The following ZNF141 variants were observed in gnomAD, a reference collection of about 807,000 sequenced individuals.
The protein encoded by ZNF141 is zinc finger protein 141 (clone pHZ-44).
ZNF141 carries 7 observed loss-of-function variants against 11.3 expected under a neutral mutation model. The ratio of observed to expected loss-of-function variants is 0.62; its 90% CI spans 0.35 to 1.16. The LOEUF (loss-of-function observed/expected upper bound fraction) is 1.16, where lower values mean the gene tolerates loss of function less well. Ranked by LOEUF, ZNF141 falls within the 50% of genes most tolerant of loss-of-function variation. The probability of loss-of-function intolerance (pLI) is 0.02; values close to 1 mark genes in which losing one functional copy is unlikely to be tolerated. For synonymous variants in ZNF141, 183 were observed against 190.7 expected, an observed-to-expected ratio of 0.96 and a Z score of 0.33; for missense variants, 535 against 554.0, an observed-to-expected ratio of 0.97 and a Z score of 0.34.
chr4:374,005 A>C lies in ZNF141; in HGVS notation c.*143A>C, dbSNP rs1004470537. On this transcript the variant is annotated 3_prime_UTR_variant, in exon 4 of 4. Transcript: ENST00000240499. ...TTCTTTACCTCATTCTCAAACCTTG[A>C]TAAACATAAGAGAATTCATACCGGA... 5.3e-6 allele frequency: 4 copies of C among 755,876 alleles called. No homozygotes were observed. Among genetic ancestry groups the C allele is most frequent in the Non-Finnish European group, 8.9e-6 (4 of 450,196 alleles). 46.8% of individuals were successfully genotyped at this position (755,876 alleles called of 1,614,324 possible). A position where few individuals can be genotyped will look rare whatever the true frequency, so the allele number is the denominator to read the frequency against.
At chr4:339,310 C>T (rs1720940163) in intron 1 of ZNF141, among the ~76,000 whole-genome samples, 1 of 152,234 alleles carries the variant, frequency 6.6e-6, no homozygotes, top group South Asian at 2.1e-4. Context: ...TTTATGGGCT[C>T]AGGAATCAGT....
rs1553849364 is a variant in ZNF141, at chr4:345,338, G to C, written c.226+908G>C. 2.6e-5 allele frequency among the ~76,000 whole-genome samples: 4 copies of C among 152,056 alleles called. No homozygotes were observed. In the South Asian group the frequency reaches 8.3e-4, roughly 32 times the overall value. On this transcript the variant is annotated intron_variant, in intron 3 of 3. Coordinates refer to ENST00000240499, the MANE Select transcript of ZNF141 (RefSeq NM_003441.4). Reference sequence around the variant, plus strand: ...ATTTTACTTCAAAATTACTGTTTTAGTATAAACTCGTTTGTAATGTAAACT... The same window carrying C: ...ATTTTACTTCAAAATTACTGTTTTACTATAAACTCGTTTGTAATGTAAACT...
intron 3 of ZNF141, among the ~76,000 whole-genome samples, chr4:345,532 T>C (rs1391803208): frequency 6.6e-6 from 1 of 152,014 alleles, no homozygotes; most frequent in Admixed American, 6.6e-5. Flanking sequence ...AGTACAAGAC[T>C]AGCCTGACTA....
intron 3 of ZNF141, among the ~76,000 whole-genome samples, chr4:353,919 C>T (rs1439805628): frequency 6.6e-6 from 1 of 152,232 alleles, no homozygotes; most frequent in Non-Finnish European, 1.5e-5. Flanking sequence ...CATTCACACA[C>T]ATGCACGCTA....
intron 3 of ZNF141, among the ~76,000 whole-genome samples, chr4:363,650 C>G (rs1471912423): frequency 6.6e-6 from 1 of 151,010 alleles, no homozygotes; most frequent in Non-Finnish European, 1.5e-5. Flanking sequence ...CCCAGCTACG[C>G]GGGAGGCTGA....
At chr4:347,039 CT>C (rs201885088) in intron 3 of ZNF141, among the ~76,000 whole-genome samples, 244 of 134,772 alleles carry the variant, frequency 1.8e-3, no homozygotes, top group Admixed American at 3.0e-3. Context: ...TAGTTTTATT[CT>C]TTTTTTTTTT....
chr4:342,164 C>T (rs1299420139), intron 1 of ZNF141, among the ~76,000 whole-genome samples: 1 of 152,202 alleles, frequency 6.6e-6, no homozygotes, highest in African/African-American at 2.4e-5. Context: ...GTCTACCTCC[C>T]AGGATGTTAT....
chr4:367,763 C>T (rs534515899), intron 3 of ZNF141, among the ~76,000 whole-genome samples: 4 of 152,190 alleles, frequency 2.6e-5, no homozygotes, highest in Admixed American at 6.5e-5. Flanking sequence ...GATCTGTCCG[C>T]CACGGCCTCC....
At chr4:355,252 C>A (rs1052545469) in intron 3 of ZNF141, among the ~76,000 whole-genome samples, 2 of 151,794 alleles carry the variant, frequency 1.3e-5, no homozygotes, top group Non-Finnish European at 2.9e-5. Flanking sequence ...TGCAGTGGTG[C>A]AATCTTGGTT....
At chr4:361,730 G>A (rs1711509546) in intron 3 of ZNF141, among the ~76,000 whole-genome samples, 1 of 152,156 alleles carries the variant, frequency 6.6e-6, no homozygotes. Context: ...TGGCTGCATA[G>A]TATTCCATGG....
rs113693089 is a variant in ZNF141 at position 367,677 on chromosome 4, C to T, written c.227-4987C>T. Among the ~76,000 whole-genome samples the T allele has an allele frequency of 5.5e-3, 839 of 152,066 alleles. 3 individuals carry two copies. Among genetic ancestry groups the T allele is most frequent in the Non-Finnish European group, 0.01 (691 of 67,974 alleles). On this transcript the variant is annotated intron_variant, in intron 3 of 3. Transcript: ENST00000240499. The stretch of plus-strand genomic sequence containing the variant: ...GATTACAGGTGCGCACCACCATGCC[C>T]AACTAATTTTTGTATTTTTTGTAGA...
chr4:371,665 G>A (rs980086446), intron 3 of ZNF141, among the ~76,000 whole-genome samples: 2 of 151,782 alleles, frequency 1.3e-5, no homozygotes, highest in Admixed American at 6.6e-5. Flanking sequence ...TCAGCCTCCC[G>A]CATAGCTAGG....
intron 1 of ZNF141, among the ~76,000 whole-genome samples, chr4:339,388 C>T (rs1242491732): frequency 2.0e-5 from 3 of 152,212 alleles, no homozygotes; most frequent in Non-Finnish European, 4.4e-5. Flanking sequence ...CCTGCCTTGC[C>T]CCCACTCAAG....
In ZNF141 at chr4:373,187, T is replaced by C. The variant is rs782341133; in HGVS notation, c.750T>C (p.Thr250=). ...SHFAKHKIIH[T]GEKPYKCEEC... ...TTGCTAAGCATAAAATAATTCATAC[T>C]GGAGAAAAACCCTATAAATGTGAAG... The change falls in exon 4 of 4, where the codon ACT becomes ACC. Residue 250 remains threonine (T), a synonymous_variant. Coordinates refer to ENST00000240499, the MANE Select transcript of ZNF141 (RefSeq NM_003441.4). The C allele has an allele frequency of 2.0e-5, 32 of 1,613,904 alleles. No homozygotes were observed. Among genetic ancestry groups the C allele is most frequent in the Non-Finnish European group, 2.5e-5 (30 of 1,180,014 alleles).
rs1490729141 is a variant in ZNF141, at chr4:384,267, C to T, written c.*10405C>T. On this transcript the variant is annotated 3_prime_UTR_variant, in exon 4 of 4. Coordinates refer to ENST00000240499, the MANE Select transcript of ZNF141 (RefSeq NM_003441.4). ...GCAAGGCTGTGAGGAGATCTGAAGA[C>T]ATGGTGCTCTCTCTTCCTGTGGACC... 1 of 152,214 alleles carries T rather than the reference C, an allele frequency of 6.6e-6. No homozygotes were observed. The highest frequency in any genetic ancestry group is 1.5e-5 in the Non-Finnish European group (1 of 68,046). 9.4% of individuals were successfully genotyped at this position (152,214 alleles called of 1,614,324 possible).
rs1712788440 is a variant in ZNF141 at position 383,924 on chromosome 4, C to A, written c.*10062C>A. The A allele has an allele frequency of 6.6e-6, 1 of 152,242 alleles. No individual in the cohort carries two copies. Among genetic ancestry groups the A allele is most frequent in the African/African-American group, 2.4e-5 (1 of 41,466 alleles). 9.4% of individuals were successfully genotyped at this position (152,242 alleles called of 1,614,324 possible). ...TTGGGCGGCTTGCTGGGGCTCACAC[C>A]CACCCTGTAGAGTGCTTTCTCACTT... On this transcript the variant is annotated 3_prime_UTR_variant, in exon 4 of 4. Coordinates refer to ENST00000240499, the MANE Select transcript of ZNF141 (RefSeq NM_003441.4).
chr4:356,862 C>T (rs1018898374), intron 3 of ZNF141, among the ~76,000 whole-genome samples: 2 of 151,164 alleles, frequency 1.3e-5, no homozygotes, highest in South Asian at 2.1e-4. Context: ...TTTTTGTTGC[C>T]TTCTTTTTCT....
chr4:340,551 A>T (rs888890257), intron 1 of ZNF141, among the ~76,000 whole-genome samples: 79 of 152,192 alleles, frequency 5.2e-4, no homozygotes, highest in African/African-American at 1.8e-3. Flanking sequence ...AATGCCCACA[A>T]ATGTGCTTAC....
Position 383,427 on chromosome 4 carries a change from A to G in ZNF141, c.*9565A>G. The G allele has an allele frequency of 2.6e-6, 1 of 386,222 alleles. No individual in the cohort carries two copies. Among genetic ancestry groups the G allele is most frequent in the East Asian group, 3.8e-5 (1 of 26,418 alleles). The allele number at this position is 386,222 out of a possible 1,614,324, so 23.9% of individuals were successfully genotyped here. A position where few individuals can be genotyped will look rare whatever the true frequency, so the allele number is the denominator to read the frequency against. On this transcript the variant is annotated 3_prime_UTR_variant, in exon 4 of 4. Transcript: ENST00000240499. ...ACCTGCAAATGCTTGCCACCCTGTA[A>G]GTATTGATTTTCTTTTTTCCTTTAT...
Sources: gnomAD v4.1 joint callset for allele counts (sites outside exome capture counted in the v4.1 genomes callset) on GRCh38, gnomAD v4.1.1 for gene constraint, MANE v1.5 for transcripts, NCBI Gene and HGNC (gene_info 2026-07-23, HGNC 2026-07-21) for gene names.